The following CFAP47 variants were observed in gnomAD, a reference collection of about 807,000 sequenced individuals.
CFAP47 encodes the protein cilia and flagella associated protein 47.
CFAP47 carries 29 observed loss-of-function variants against 148.1 expected under a neutral mutation model. The ratio of observed to expected loss-of-function variants is 0.20; its 90% CI spans 0.15 to 0.27. CFAP47 has a LOEUF of 0.27. CFAP47 is among the 10% of genes least tolerant of loss of function. The pLI is 1.00. For synonymous variants in CFAP47, 664 were observed against 577.3 expected, an observed-to-expected ratio of 1.15 and a Z score of -2.15; for missense variants, 1,872 against 1,697.5, an observed-to-expected ratio of 1.10 and a Z score of -1.81.
intron 45 of CFAP47, 123 bp from the exon 46 acceptor site, chrX:36,228,505 C>A: frequency 2.2e-6 from 1 of 444,571 alleles, no homozygotes; most frequent in Non-Finnish European, 4.0e-6. Flanking sequence ...TTGTGTTATC[C>A]CAGTGAAACC....
chrX:36,231,296 G>T (rs1366300307), intron 46 of CFAP47, among the ~76,000 whole-genome samples: 23 of 105,704 alleles, frequency 2.2e-4, no homozygotes, highest in Admixed American at 2.1e-3. Context: ...CTTGAGCAGT[G>T]GTTTGTAGTT....
intron 36 of CFAP47, among the ~76,000 whole-genome samples, chrX:36,148,415 A>G (rs937958375): frequency 2.7e-5 from 3 of 111,891 alleles, no homozygotes; most frequent in African/African-American, 9.8e-5. Flanking sequence ...AAGAGTTCAG[A>G]CAAGCCTTAC....
chrX:36,334,120 C>T (rs912592680), intron 57 of CFAP47, among the ~76,000 whole-genome samples: 3 of 111,778 alleles, frequency 2.7e-5, no homozygotes, highest in Non-Finnish European at 5.6e-5. Flanking sequence ...TCACTCTTGA[C>T]AGTTTCATCC....
rs781798630 is a variant in CFAP47, at chrX:36,321,385, G to A, written c.8443+2078G>A. Among the ~76,000 whole-genome samples, 17 of 111,231 alleles carry A rather than the reference G, an allele frequency of 1.5e-4. 1 individual carries two copies. The South Asian group carries it at 2.3e-3, about 15-fold the overall frequency. On this transcript the variant is annotated intron_variant, in intron 57 of 63. Transcript: ENST00000378653. Reference sequence around the variant, plus strand: ...GAGATTGGGAAGAGTAATGGGTGGCGGTGGGGCCATGAGGGGAAGAGGGCA... The same window carrying A: ...GAGATTGGGAAGAGTAATGGGTGGCAGTGGGGCCATGAGGGGAAGAGGGCA...
chrX:36,168,323 T>C (rs1939518168), intron 39 of CFAP47, among the ~76,000 whole-genome samples: 1 of 111,951 alleles, frequency 8.9e-6, no homozygotes, highest in Admixed American at 9.5e-5. Context: ...TTTTAGTTCC[T>C]TTTACTTCAT....
chrX:36,008,926 A>T (rs144647834), intron 21 of CFAP47, among the ~76,000 whole-genome samples: 1,954 of 111,501 alleles, frequency 0.018, 23 homozygotes, highest in Middle Eastern at 0.037. Context: ...GGTCACCGCC[A>T]GCTAGACTCA....
At chrX:36,278,614 C>T (rs1941043957) in intron 49 of CFAP47, among the ~76,000 whole-genome samples, 1 of 112,234 alleles carries the variant, frequency 8.9e-6, no homozygotes, top group African/African-American at 3.2e-5. Flanking sequence ...TCCAACCAGT[C>T]CCAGTGAGAT....
At chrX:35,923,667 G>A (rs755161532) in intron 1 of CFAP47, among the ~76,000 whole-genome samples, 37 of 109,077 alleles carry the variant, frequency 3.4e-4, no homozygotes, top group Middle Eastern at 4.8e-3. Flanking sequence ...TAAAAATACA[G>A]AAATTAGCTG....
chrX:36,006,519 G>A (rs1188122788), intron 21 of CFAP47, among the ~76,000 whole-genome samples: 1 of 111,777 alleles, frequency 8.9e-6, no homozygotes, highest in Non-Finnish European at 1.9e-5. Flanking sequence ...TTTATTGCTA[G>A]GTGTAAGTTG....
At chrX:36,195,959 A>G (rs1469876262) in intron 42 of CFAP47, among the ~76,000 whole-genome samples, 1 of 111,800 alleles carries the variant, frequency 8.9e-6, no homozygotes, top group African/African-American at 3.2e-5. Flanking sequence ...ACCAATTATT[A>G]TTAAACAATC....
intron 21 of CFAP47, among the ~76,000 whole-genome samples, chrX:36,009,760 A>C (rs1299927673): frequency 8.9e-6 from 1 of 112,182 alleles, no homozygotes; most frequent in Non-Finnish European, 1.9e-5. Flanking sequence ...TTAGGGCAAT[A>C]TGAATGACTA....
chrX:36,117,945 A>C (rs1325000242), intron 33 of CFAP47, among the ~76,000 whole-genome samples: 2 of 111,947 alleles, frequency 1.8e-5, no homozygotes, highest in South Asian at 3.7e-4. Flanking sequence ...TCCAAGTTTC[A>C]TTCTTCTGCA....
intron 60 of CFAP47, among the ~76,000 whole-genome samples, chrX:36,358,670 T>C (rs1045477455): frequency 1.8e-5 from 2 of 111,849 alleles, no homozygotes; most frequent in African/African-American, 6.5e-5. Flanking sequence ...ATTGTCTCGC[T>C]CTTTTCTACT....
intron 44 of CFAP47, among the ~76,000 whole-genome samples, chrX:36,202,391 A>G (rs1321236258): frequency 9.0e-6 from 1 of 111,355 alleles, no homozygotes; most frequent in Non-Finnish European, 1.9e-5. Flanking sequence ...GTAGGAGTCC[A>G]TCAGTTCCTC....
chrX:36,370,547 C>A (rs1304294289), intron 62 of CFAP47, among the ~76,000 whole-genome samples: 1 of 109,786 alleles, frequency 9.1e-6, no homozygotes, highest in Non-Finnish European at 1.9e-5. Context: ...TTATTTTCTA[C>A]AGCAAATGGA....
chrX:35,987,719 A>G (rs1433400522), intron 15 of CFAP47, among the ~76,000 whole-genome samples: 2 of 111,004 alleles, frequency 1.8e-5, no homozygotes, highest in African/African-American at 6.6e-5. Context: ...TGTGCTTGAA[A>G]CCTAGGGCTC....
At chrX:36,349,986 T>G in intron 58 of CFAP47, 52 bp from the exon 59 acceptor site, 1 of 735,746 alleles carries the variant, frequency 1.4e-6, no homozygotes, top group East Asian at 3.6e-5. Flanking sequence ...AGCTTTTTGT[T>G]AATATGGAGT....
chrX:35,947,649 G>T (rs1936103073), intron 3 of CFAP47, among the ~76,000 whole-genome samples: 1 of 109,296 alleles, frequency 9.1e-6, no homozygotes, highest in Non-Finnish European at 1.9e-5. Context: ...AGAAACTCTG[G>T]AACAATAGGG....
intron 39 of CFAP47, among the ~76,000 whole-genome samples, chrX:36,174,378 G>A (rs1414881360): frequency 9.1e-6 from 1 of 109,377 alleles, no homozygotes; most frequent in African/African-American, 3.3e-5. Flanking sequence ...GTTAGTTGAT[G>A]CAGTTTCTTC....
Sources: gnomAD v4.1 joint callset for allele counts (sites outside exome capture counted in the v4.1 genomes callset) on GRCh38, gnomAD v4.1.1 for gene constraint, MANE v1.5 for transcripts, NCBI Gene and HGNC (gene_info 2026-07-23, HGNC 2026-07-21) for gene names.